The following RTKN variants were observed in gnomAD, a reference collection of about 807,000 sequenced individuals.
RTKN encodes rhotekin.
RTKN carries 49 observed loss-of-function variants against 63.5 expected under a neutral mutation model. That is an observed-to-expected ratio of 0.77 (90% CI 0.61 to 0.98). The LOEUF (loss-of-function observed/expected upper bound fraction) is 0.98. Ranked by LOEUF, RTKN falls within the 50% of genes least tolerant of loss-of-function variation. The probability of loss-of-function intolerance (pLI) is 0.00; values close to 1 mark genes in which losing one functional copy is unlikely to be tolerated. For missense variants in RTKN, 685 were observed against 740.8 expected, an observed-to-expected ratio of 0.92 and a Z score of 0.87; for synonymous variants, 295 against 290.4, an observed-to-expected ratio of 1.02 and a Z score of -0.16.
chr2:74,426,062 G>A lies in RTKN; in HGVS notation c.*181C>T, dbSNP rs930903489. On this transcript the variant is annotated 3_prime_UTR_variant, in exon 12 of 12. Coordinates refer to ENST00000272430, the MANE Select transcript of RTKN (RefSeq NM_001015055.2). ...AGCGAGCCCCAGGAATGAGTCCCTC[G>A]GTACCATGGCAACCACAATTTAAGA... is the stretch of plus-strand genomic sequence containing the variant. 21 of 692,058 alleles carry A rather than the reference G, an allele frequency of 3.0e-5. No homozygotes were observed. The highest frequency in any genetic ancestry group is 4.7e-5 in the Non-Finnish European group (19 of 406,456). The allele number at this position is 692,058 out of a possible 1,614,324, so 42.9% of individuals were successfully genotyped here. A position where few individuals can be genotyped will look rare whatever the true frequency, so the allele number is the denominator to read the frequency against.
chr2:74,427,334 C>T lies in RTKN; in HGVS notation c.1256-61G>A, dbSNP rs928342512. 11 of 1,607,366 alleles carry T rather than the reference C, an allele frequency of 6.8e-6. No homozygotes were observed. The African/African-American group carries it at 1.5e-4, about 22-fold the overall frequency. ...GCTGCCCTTTCTCCTGCTACATTCC[C>T]TTCCACATAATCTTGAAACAGAGGC... On this transcript the variant is annotated intron_variant, in intron 10 of 11. Transcript: ENST00000272430.
Position 74,427,211 on chromosome 2 carries a change from G to A in RTKN, c.1318C>T (p.Pro440Ser). The A allele has an allele frequency of 6.2e-7, 1 of 1,614,110 alleles. No individual in the cohort carries two copies. Among genetic ancestry groups the A allele is most frequent in the Non-Finnish European group, 8.5e-7 (1 of 1,180,008 alleles). The change falls in exon 11 of 12, where the codon CCC becomes TCC. Residue 440 changes from proline to serine, a missense_variant. Transcript: ENST00000272430. ...KIETPAPRKP[P>S]QALAKQGSLY... ...GACCCCTGCTTTGCCAGTGCTTGGG[G>A]TGGTTTCCGGGGAGCAGGAGTTTCA...
intron 1 of RTKN, among the ~76,000 whole-genome samples, chr2:74,438,316 T>C (rs921500129): frequency 2.6e-5 from 4 of 152,058 alleles, no homozygotes; most frequent in African/African-American, 9.7e-5. Flanking sequence ...ACCACCACCA[T>C]TTGAAATCTA....
Position 74,426,199 on chromosome 2 carries a change from T to C in RTKN, c.*44A>G. 1.9e-6 allele frequency: 3 copies of C among 1,558,988 alleles called. No individual in the cohort carries two copies. Among genetic ancestry groups the C allele is most frequent in the Non-Finnish European group, 2.6e-6 (3 of 1,134,122 alleles). ...TATCCAGAGCCCAACTGCGCATGGG[T>C]CATTTTCTCTTCTGGGCAGATCCTA... On this transcript the variant is annotated 3_prime_UTR_variant, in exon 12 of 12. Transcript: ENST00000272430.
intron 1 of RTKN, among the ~76,000 whole-genome samples, chr2:74,434,790 T>TA (rs952625363): frequency 6.6e-6 from 1 of 151,464 alleles, no homozygotes; most frequent in Non-Finnish European, 1.5e-5. Context: ...CTTTGGAGTT[T>TA]AAAAAAAAAT....
chr2:74,439,668 G>A, intron 1 of RTKN: 1 of 1,611,890 alleles, frequency 6.2e-7, no homozygotes, highest in East Asian at 2.2e-5. Context: ...CCTCCAGAGG[G>A]GGGACAGATA....
At chr2:74,430,772 C>T in intron 2 of RTKN, 95 bp from the exon 3 acceptor site, 2 of 1,259,500 alleles carry the variant, frequency 1.6e-6, no homozygotes, top group South Asian at 2.8e-5. Context: ...ATCCCAGCGC[C>T]TCAGCCACCA....
At chr2:74,429,684 A>G in intron 6 of RTKN, 144 bp downstream of exon 6, 1 of 779,064 alleles carries the variant, frequency 1.3e-6, no homozygotes, top group Non-Finnish European at 2.1e-6. Flanking sequence ...AATGCCTCCC[A>G]GCTACGTGGC....
At chr2:74,432,838 G>A (rs569407033) in intron 1 of RTKN, among the ~76,000 whole-genome samples, 172 bp from the exon 2 acceptor site, 39 of 152,276 alleles carry the variant, frequency 2.6e-4, no homozygotes, top group African/African-American at 9.4e-4. Context: ...AATAACCAGA[G>A]AAGCTTTGTA....
intron 2 of RTKN, 79 bp downstream of exon 2, chr2:74,432,388 G>A (rs1222520708): frequency 7.5e-7 from 1 of 1,331,758 alleles, no homozygotes; most frequent in African/African-American, 1.4e-5. Context: ...TGGTCCACAT[G>A]CCACACACGC....
chr2:74,435,756 C>G (rs1266845977), intron 1 of RTKN, among the ~76,000 whole-genome samples: 1 of 152,236 alleles, frequency 6.6e-6, no homozygotes, highest in African/African-American at 2.4e-5. Flanking sequence ...CACACCAGCT[C>G]TCCTCCATAC....
At chr2:74,428,552 C>A in intron 8 of RTKN, 79 bp downstream of exon 8, 2 of 1,540,486 alleles carry the variant, frequency 1.3e-6, no homozygotes, top group South Asian at 1.2e-5. Flanking sequence ...CTTGATTTTT[C>A]ATTAGCTCTT....
At chr2:74,440,063 G>C in intron 1 of RTKN, 1 of 943,430 alleles carries the variant, frequency 1.1e-6, no homozygotes, top group Non-Finnish European at 1.3e-6. Flanking sequence ...CAGGGAATCT[G>C]TGTGCGGAGA....
Position 74,441,873 on chromosome 2 carries a change from C to T in RTKN, c.-57G>A. ...GCGCTCCCCGCGCCGCCCGGCTTAG[C>T]CTCCTCTCCTCGGCTTCTGTCTCTC... On this transcript the variant is annotated 5_prime_UTR_variant, in exon 1 of 12. Coordinates refer to ENST00000272430, the MANE Select transcript of RTKN (RefSeq NM_001015055.2). The T allele has an allele frequency of 1.9e-6, 2 of 1,044,748 alleles. No individual in the cohort carries two copies. The highest frequency in any genetic ancestry group is 1.4e-5 in the South Asian group (1 of 73,506). The allele number at this position is 1,044,748 out of a possible 1,614,324, so 64.7% of individuals were successfully genotyped here. A position where few individuals can be genotyped will look rare whatever the true frequency, so the allele number is the denominator to read the frequency against.
Position 74,441,675 on chromosome 2 carries a change from G to C in RTKN, c.111+31C>G, listed in dbSNP as rs373194561. 1,104 of 1,539,398 alleles carry C rather than the reference G, an allele frequency of 7.2e-4. 3 individuals are homozygous for C. Among genetic ancestry groups the C allele is most frequent in the South Asian group, 1.3e-3 (114 of 86,528 alleles). The stretch of plus-strand genomic sequence containing the variant: ...GCTGGGGCTGCCCCCGGGAGCCGCG[G>C]AAGGGGAAGGCAGGGACGCGAGTCT... On this transcript the variant is annotated intron_variant, in intron 1 of 11. Coordinates refer to ENST00000272430, the MANE Select transcript of RTKN (RefSeq NM_001015055.2).
In RTKN at chr2:74,430,603, C is replaced by T. The variant is rs773858714; in HGVS notation, c.373+13G>A. On this transcript the variant is annotated intron_variant, in intron 3 of 11. Transcript: ENST00000272430. ...CAAGGGGTACCAGCAGCTGGGGTAG[C>T]TGTGCTTCTTACCAGAGATGCAGAC... is the stretch of plus-strand genomic sequence containing the variant. 5 of 1,614,018 alleles carry T rather than the reference C, an allele frequency of 3.1e-6. No individual in the cohort carries two copies. In the Admixed American group the frequency reaches 5.0e-5, roughly 16 times the overall value.
chr2:74,426,740 G>T (rs1670418886), intron 11 of RTKN, 166 bp from the exon 12 acceptor site: 1 of 1,380,050 alleles, frequency 7.2e-7, no homozygotes. Context: ...GGCCCCCTGG[G>T]GCTACAGGCT....
At chr2:74,439,991 A>T in intron 1 of RTKN, 9 of 1,075,850 alleles carry the variant, frequency 8.4e-6, no homozygotes, top group Non-Finnish European at 1.0e-5. Context: ...TGGAAGAAAA[A>T]GGCCCTTTCA....
chr2:74,429,908 T>A lies in RTKN; in HGVS notation c.675A>T (p.Ser225=), dbSNP rs1471168033. 6.2e-7 allele frequency: 1 copy of A among 1,614,166 alleles called. No homozygotes were observed. Among genetic ancestry groups the A allele is most frequent in the Non-Finnish European group, 8.5e-7 (1 of 1,180,012 alleles). Residue 225 remains serine, a synonymous_variant, in exon 6 of 12, where the codon TCA becomes TCT. Coordinates refer to ENST00000272430, the MANE Select transcript of RTKN (RefSeq NM_001015055.2). ...TKLSSSLGRS[S]GRRVRASLDS... is the part of the protein sequence containing the mutation. ...CCAGCGATGCCCGGACACGCCTCCC[T>A]GAGGAGCGGCCCAGGGAGCTGCTGA...
Sources: gnomAD v4.1 joint callset for allele counts (sites outside exome capture counted in the v4.1 genomes callset) on GRCh38, gnomAD v4.1.1 for gene constraint, MANE v1.5 for transcripts, NCBI Gene and HGNC (gene_info 2026-07-23, HGNC 2026-07-21) for gene names.